Variants in LOXL2 observed in about 807,000 individuals in gnomAD.
LOXL2 encodes the protein lysyl oxidase homolog 2.
In LOXL2, 70 loss-of-function variants were observed where a neutral mutation model predicts 93.0. The observed-to-expected ratio is 0.75, with a 90% CI of 0.62 to 0.92. LOXL2 has a LOEUF of 0.92. LOXL2 is among the 40% of genes least tolerant of loss of function. The pLI is 0.00. For missense variants in LOXL2, 973 were observed against 1,054.9 expected, an observed-to-expected ratio of 0.92 and a Z score of 1.08; for synonymous variants, 438 against 413.2, an observed-to-expected ratio of 1.06 and a Z score of -0.73.
At chr8:23,352,060 C>A (rs201648463) in intron 3 of LOXL2, among the ~76,000 whole-genome samples, 5 of 151,308 alleles carry the variant, frequency 3.3e-5, no homozygotes, top group African/African-American at 9.8e-5. Flanking sequence ...TGATCCCCCC[C>A]ACCTTGGCCT....
intron 10 of LOXL2, among the ~76,000 whole-genome samples, chr8:23,304,460 C>T (rs983388236): frequency 6.6e-6 from 1 of 152,190 alleles, no homozygotes; most frequent in African/African-American, 2.4e-5. Flanking sequence ...GTGTCTGCAA[C>T]TATTCTATAT....
rs78917444 is a variant in LOXL2, at chr8:23,317,155, A to T, written c.1471-41T>A. 11,998 of 1,572,592 alleles carry T rather than the reference A, an allele frequency of 7.6e-3. 695 individuals carry two copies. The African/African-American group carries it at 0.13, about 18-fold the overall frequency. On this transcript the variant is annotated intron_variant, in intron 8 of 13. Transcript: ENST00000389131. ...AAACAAATGGTGGGTACATCATCTC[A>T]AACTGTCACTTTCTCATATCCTATC...
chr8:23,393,505 G>C (rs1234802782), intron 1 of LOXL2, among the ~76,000 whole-genome samples: 1 of 152,200 alleles, frequency 6.6e-6, no homozygotes, highest in Non-Finnish European at 1.5e-5. Context: ...ACATGCAAAA[G>C]AATGAAGTTG....
intron 3 of LOXL2, among the ~76,000 whole-genome samples, chr8:23,353,128 T>A (rs1385025422): frequency 1.3e-5 from 2 of 152,142 alleles, no homozygotes; most frequent in African/African-American, 4.8e-5. Context: ...TGTGAGCACA[T>A]GACTGGGCAA....
At chr8:23,315,726 C>T (rs1803384044) in intron 9 of LOXL2, among the ~76,000 whole-genome samples, 1 of 152,120 alleles carries the variant, frequency 6.6e-6, no homozygotes, top group Non-Finnish European at 1.5e-5. Context: ...GCATAGAACC[C>T]CCTAGTACAC....
Position 23,297,930 on chromosome 8 carries a change from G to T in LOXL2, c.*113C>A, listed in dbSNP as rs1158674865. Reference sequence around the variant, plus strand: ...ACAGCTGTAGGGGTCTGGACAGGGTGGGGGCCGGGCTGGGTGAGGGCACGT... The same window carrying T: ...ACAGCTGTAGGGGTCTGGACAGGGTTGGGGCCGGGCTGGGTGAGGGCACGT... On this transcript the variant is annotated 3_prime_UTR_variant, in exon 14 of 14. Transcript: ENST00000389131. The T allele has an allele frequency of 2.3e-5, 19 of 809,956 alleles. No homozygotes were observed. In the Admixed American group the frequency reaches 2.7e-4, roughly 11 times the overall value. 50.2% of individuals were successfully genotyped at this position (809,956 alleles called of 1,614,324 possible). A position where few individuals can be genotyped will look rare whatever the true frequency, so the allele number is the denominator to read the frequency against.
chr8:23,298,236 T>C lies in LOXL2; in HGVS notation c.2246-114A>G. 4 of 717,582 alleles carry C rather than the reference T, an allele frequency of 5.6e-6. No homozygotes were observed. In the South Asian group the frequency reaches 6.6e-5, roughly 12 times the overall value. The allele number at this position is 717,582 out of a possible 1,614,324, so 44.5% of individuals were successfully genotyped here. A position where few individuals can be genotyped will look rare whatever the true frequency, so the allele number is the denominator to read the frequency against. On this transcript the variant is annotated intron_variant, in intron 13 of 13. Coordinates refer to ENST00000389131, the MANE Select transcript of LOXL2 (RefSeq NM_002318.3). ...CTGCTGGGGCCACCTGTGTGTGCCCTCCTCAAAAGGACAGGTGCCAGGCAC... is the reference window on the plus strand; with the variant it reads ...CTGCTGGGGCCACCTGTGTGTGCCCCCCTCAAAAGGACAGGTGCCAGGCAC...
chr8:23,355,575 T>G (rs1158366629), intron 3 of LOXL2, among the ~76,000 whole-genome samples: 1 of 147,832 alleles, frequency 6.8e-6, no homozygotes, highest in Non-Finnish European at 1.5e-5. Context: ...GATACTGAGC[T>G]TTTAGTCAAC....
intron 2 of LOXL2, 32 bp downstream of exon 2, chr8:23,367,965 C>G (rs774195276): frequency 6.4e-7 from 1 of 1,569,048 alleles, no homozygotes; most frequent in Non-Finnish European, 8.7e-7. Flanking sequence ...TGCCAGGTGA[C>G]AGCACTCAGA....
At chr8:23,320,476 C>G (rs1279490196) in intron 7 of LOXL2, among the ~76,000 whole-genome samples, 2 of 152,200 alleles carry the variant, frequency 1.3e-5, no homozygotes, top group African/African-American at 4.8e-5. Context: ...CCATGGCTCT[C>G]CTGCTGGTCT....
chr8:23,368,545 C>T (rs971390296), intron 1 of LOXL2, 111 bp from the exon 2 acceptor site: 8 of 600,720 alleles, frequency 1.3e-5, no homozygotes, highest in Admixed American at 5.6e-5. Context: ...CGTCCATTCT[C>T]GACGCCAATC....
chr8:23,379,023 T>C (rs1804634755), intron 1 of LOXL2, among the ~76,000 whole-genome samples: 1 of 152,212 alleles, frequency 6.6e-6, no homozygotes, highest in African/African-American at 2.4e-5. Context: ...GTTTTTAGAA[T>C]TTTCAGCTTT....
chr8:23,320,636 G>A (rs1226981435), intron 7 of LOXL2, among the ~76,000 whole-genome samples: 3 of 152,220 alleles, frequency 2.0e-5, no homozygotes, highest in Non-Finnish European at 4.4e-5. Context: ...GGCTGGGTAT[G>A]GTAGCTCATG....
chr8:23,368,681 A>G (rs1804451983), intron 1 of LOXL2, among the ~76,000 whole-genome samples: 1 of 152,068 alleles, frequency 6.6e-6, no homozygotes, highest in Non-Finnish European at 1.5e-5. Context: ...ACACACTCCA[A>G]CTTAATTTAA....
intron 1 of LOXL2, among the ~76,000 whole-genome samples, chr8:23,370,254 C>T (rs1804473994): frequency 6.6e-6 from 1 of 152,174 alleles, no homozygotes; most frequent in African/African-American, 2.4e-5. Context: ...CATCCCCTCC[C>T]CTCCCCTCCA....
intron 10 of LOXL2, among the ~76,000 whole-genome samples, chr8:23,307,361 T>C (rs555131118): frequency 1.6e-4 from 24 of 152,166 alleles, no homozygotes; most frequent in Non-Finnish European, 3.5e-4. Flanking sequence ...AGAAGGTACA[T>C]GTGCTCAGCA....
intron 9 of LOXL2, among the ~76,000 whole-genome samples, chr8:23,314,954 A>G (rs1326965234): frequency 6.6e-6 from 1 of 152,208 alleles, no homozygotes; most frequent in Non-Finnish European, 1.5e-5. Context: ...TGAGGATGGG[A>G]GGGGGTGGCC....
rs555169281 is a variant in LOXL2, at chr8:23,358,083, A to G, written c.531+2007T>C. On this transcript the variant is annotated intron_variant, in intron 3 of 13. Transcript: ENST00000389131. Reference sequence around the variant, plus strand: ...GGGGCTAATTATTGCTCATGAGGTTATAAGGAATGAAGATGGAAAATTTTG... The same window carrying G: ...GGGGCTAATTATTGCTCATGAGGTTGTAAGGAATGAAGATGGAAAATTTTG... Among the ~76,000 whole-genome samples the G allele has an allele frequency of 3.3e-5, 5 of 152,334 alleles. No homozygotes were observed. In the South Asian group the frequency reaches 1.0e-3, roughly 32 times the overall value.
chr8:23,311,137 T>C (rs13261574), intron 9 of LOXL2, among the ~76,000 whole-genome samples: 1 of 152,022 alleles, frequency 6.6e-6, no homozygotes, highest in African/African-American at 2.4e-5. Flanking sequence ...GCACGTGGAG[T>C]GAGCTCTGTC....
Sources: gnomAD v4.1 joint callset for allele counts (sites outside exome capture counted in the v4.1 genomes callset) on GRCh38, gnomAD v4.1.1 for gene constraint, MANE v1.5 for transcripts, NCBI Gene and HGNC (gene_info 2026-07-23, HGNC 2026-07-21) for gene names.